Variants in NEBL observed in about 807,000 individuals in gnomAD.
The protein encoded by NEBL is LIM and SH3 protein 2.
NEBL carries 122 observed loss-of-function variants against 140.2 expected under a neutral mutation model. The observed-to-expected ratio is 0.87, with a 90% CI of 0.75 to 1.01. The LOEUF (loss-of-function observed/expected upper bound fraction) is 1.01, where lower values mean the gene tolerates loss of function less well. Among genes scored for constraint, NEBL ranks in the 50% least tolerant of loss-of-function variants. NEBL has a pLI of 0.00. For synonymous variants in NEBL, 436 were observed against 398.9 expected (o/e 1.09, Z -1.11); for missense variants, 1,365 against 1,231.3 (o/e 1.11, Z -1.62).
intron 7 of NEBL, among the ~76,000 whole-genome samples, chr10:20,866,884 T>A (rs1231413110): frequency 6.6e-6 from 1 of 152,144 alleles, no homozygotes; most frequent in Non-Finnish European, 1.5e-5. Context: ...CACTGACCCC[T>A]TTTTCTACTG....
intron 1 of NEBL, among the ~76,000 whole-genome samples, chr10:21,286,851 A>AG (rs1843062710): frequency 6.6e-6 from 1 of 152,164 alleles, no homozygotes; most frequent in South Asian, 2.1e-4. Context: ...AAAAAAAAAA[A>AG]AAGCAGACTA....
chr10:21,076,747 T>A (rs558035346), intron 2 of NEBL, among the ~76,000 whole-genome samples: 1 of 152,278 alleles, frequency 6.6e-6, no homozygotes, highest in Admixed American at 6.5e-5. Flanking sequence ...ATAATTGAAA[T>A]CAGCCAGTCA....
intron 3 of NEBL, among the ~76,000 whole-genome samples, chr10:21,016,162 G>A (rs867859785): frequency 1.3e-5 from 2 of 152,236 alleles, no homozygotes; most frequent in African/African-American, 4.8e-5. Flanking sequence ...AACTATAAAA[G>A]GGCTTTCCTT....
rs928610729 is a variant in NEBL, at chr10:20,940,801, T to C, written c.357+20871A>G. 3.5e-4 allele frequency among the ~76,000 whole-genome samples: 53 copies of C among 152,148 alleles called. 1 individual carries two copies. The highest frequency in any genetic ancestry group is 3.4e-3 in the Middle Eastern group (1 of 294). On this transcript the variant is annotated intron_variant, in intron 4 of 6. Transcript: ENST00000417816. ...TACAAACTACCATCAGAGAATACTA[T>C]AAACACCTCTACGCAAATAAACTAG...
chr10:21,186,257 A>AACACACACACACACACAC (rs765894739), intron 3 of NEBL, among the ~76,000 whole-genome samples: 119 of 124,814 alleles, frequency 9.5e-4, no homozygotes, highest in African/African-American at 3.2e-3. Flanking sequence ...TATATATACA[A>AACACACACACACACACAC]ACACACACAC....
At chr10:20,946,303 A>T (rs575152371) in intron 4 of NEBL, among the ~76,000 whole-genome samples, 1 of 152,298 alleles carries the variant, frequency 6.6e-6, no homozygotes, top group African/African-American at 2.4e-5. Flanking sequence ...TCACTATGAA[A>T]ATCTATGTTT....
chr10:20,824,168 C>T (rs1211466341), intron 18 of NEBL, among the ~76,000 whole-genome samples: 3 of 151,960 alleles, frequency 2.0e-5, no homozygotes, highest in African/African-American at 4.8e-5. Context: ...TTCAATCTTC[C>T]TTGAATGAAA....
At chr10:21,147,297 C>T (rs1355372019) in intron 2 of NEBL, among the ~76,000 whole-genome samples, 8 of 152,164 alleles carry the variant, frequency 5.3e-5, no homozygotes, top group East Asian at 1.9e-4. Context: ...TAGGAACCTT[C>T]GCCCAGTTTC....
intron 2 of NEBL, among the ~76,000 whole-genome samples, chr10:21,088,461 T>C (rs1836753083): frequency 6.6e-6 from 1 of 152,136 alleles, no homozygotes; most frequent in African/African-American, 2.4e-5. Flanking sequence ...TCCAACCTGG[T>C]TGTCACGGTG....
At chr10:20,819,092 G>T in intron 20 of NEBL, 1 of 1,018,330 alleles carries the variant, frequency 9.8e-7, no homozygotes, top group Non-Finnish European at 1.2e-6. Flanking sequence ...AAGTTCAGCG[G>T]TACATGTGCA....
chr10:21,175,060 GC>G (rs1841267762), upstream of NEBL: 1 of 152,184 alleles, frequency 6.6e-6, no homozygotes, highest in Non-Finnish European at 1.5e-5. Context: ...CAAGTAGAAG[GC>G]TCAGGGTAGG....
At chr10:21,219,802 C>T (rs1458148090) in intron 3 of NEBL, among the ~76,000 whole-genome samples, 1 of 147,514 alleles carries the variant, frequency 6.8e-6, no homozygotes, top group South Asian at 2.1e-4. Flanking sequence ...GATGTTTCAC[C>T]TTGGTTTAAT....
At chr10:20,960,864 T>A (rs895377202) in intron 4 of NEBL, among the ~76,000 whole-genome samples, 1 of 152,150 alleles carries the variant, frequency 6.6e-6, no homozygotes, top group Non-Finnish European at 1.5e-5. Context: ...ACTTTATAAG[T>A]GACGCACAAA....
At chr10:20,879,550 C>A (rs1323669190) in intron 5 of NEBL, among the ~76,000 whole-genome samples, 1 of 152,154 alleles carries the variant, frequency 6.6e-6, no homozygotes, top group African/African-American at 2.4e-5. Context: ...TTGCTTACTG[C>A]AATTTAATAT....
At chr10:20,864,547 A>G (rs1844069082) in intron 7 of NEBL, among the ~76,000 whole-genome samples, 1 of 152,298 alleles carries the variant, frequency 6.6e-6, no homozygotes, top group East Asian at 1.9e-4. Context: ...CTTTCATCAG[A>G]CAGGTCTTAT....
intron 3 of NEBL, among the ~76,000 whole-genome samples, chr10:21,216,542 G>A (rs1055854086): frequency 1.3e-5 from 2 of 152,120 alleles, no homozygotes; most frequent in Non-Finnish European, 2.9e-5. Flanking sequence ...GGAGGGCAAG[G>A]TAGGCGGATC....
At chr10:21,282,994 G>C (rs1843011201) in intron 1 of NEBL, among the ~76,000 whole-genome samples, 1 of 152,000 alleles carries the variant, frequency 6.6e-6, no homozygotes, top group Non-Finnish European at 1.5e-5. Context: ...AAATTAGCCA[G>C]GCATGGTGGC....
chr10:20,841,074 T>C (rs1050018545), intron 12 of NEBL, among the ~76,000 whole-genome samples: 3 of 152,084 alleles, frequency 2.0e-5, no homozygotes, highest in African/African-American at 7.2e-5. Flanking sequence ...TCATACTTTC[T>C]GTCAATATGT....
At chr10:20,815,535 A>T in intron 22 of NEBL, 90 bp downstream of exon 22, 1 of 1,055,840 alleles carries the variant, frequency 9.5e-7, no homozygotes, top group Non-Finnish European at 1.5e-6. Context: ...TCTTGAAAAT[A>T]AGTTTTATTT....
Sources: allele counts gnomAD v4.1 joint callset (sites outside exome capture counted in the v4.1 genomes callset), GRCh38; gene constraint gnomAD v4.1.1; transcripts MANE v1.5; gene names NCBI Gene and HGNC (gene_info 2026-07-23, HGNC 2026-07-21).